CCDC191: variants seen among roughly 807,000 people sequenced by gnomAD.
CCDC191 encodes coiled-coil domain-containing protein 191.
A neutral mutation model predicts 114.0 loss-of-function variants in CCDC191; 99 were observed. The observed-to-expected ratio is 0.87, with a 90% CI of 0.74 to 1.03. The LOEUF is 1.03. Among genes scored for constraint, CCDC191 ranks in the 50% least tolerant of loss-of-function variants. The pLI is 0.00. For synonymous variants in CCDC191, 351 were observed against 376.0 expected, an observed-to-expected ratio of 0.93 and a Z score of 0.77; for missense variants, 973 against 1,087.0, an observed-to-expected ratio of 0.90 and a Z score of 1.47.
chr3:114,010,043 G>A (rs1408514297), intron 9 of CCDC191, among the ~76,000 whole-genome samples: 1 of 152,072 alleles, frequency 6.6e-6, no homozygotes, highest in African/African-American at 2.4e-5. Flanking sequence ...TATACTCTCA[G>A]TTGAGAACTA....
At chr3:114,028,598 T>C (rs1417911393) in intron 7 of CCDC191, among the ~76,000 whole-genome samples, 1 of 151,976 alleles carries the variant, frequency 6.6e-6, no homozygotes, top group Non-Finnish European at 1.5e-5. Context: ...AAAACTATTT[T>C]TATAGTGTAC....
Position 114,042,011 on chromosome 3 carries a change from A to T in CCDC191, c.415+692T>A, listed in dbSNP as rs182364022. ...TCTCTCCTCTGGAAAAAAAAACTAG[A>T]AAAGTAATAACCTCCCTTATAAGTA... On this transcript the variant is annotated intron_variant, in intron 4 of 16. Transcript: ENST00000295878. Among the ~76,000 whole-genome samples the T allele has an allele frequency of 2.3e-3, 346 of 152,280 alleles. 1 individual carries two copies. The highest frequency in any genetic ancestry group is 7.8e-3 in the African/African-American group (325 of 41,530).
chr3:114,056,434 T>A lies in CCDC191; in HGVS notation c.33A>T (p.Ser11=). 4 of 1,614,132 alleles carry A rather than the reference T, an allele frequency of 2.5e-6. No individual in the cohort carries two copies. Among genetic ancestry groups the A allele is most frequent in the Non-Finnish European group, 3.4e-6 (4 of 1,180,016 alleles). MLLAPQGRSF[S]KKRMGLNRWK... ...AGCGATTCAGCCCCATCCTTTTCTTTGAGAAGGACCTTCCCTGAGGCGCCA... is the reference window on the plus strand; with the variant it reads ...AGCGATTCAGCCCCATCCTTTTCTTAGAGAAGGACCTTCCCTGAGGCGCCA... Residue 11 remains serine, a synonymous_variant, in exon 1 of 17, where the codon TCA becomes TCT. Coordinates refer to ENST00000295878, the MANE Select transcript of CCDC191 (RefSeq NM_020817.2).
intron 8 of CCDC191, among the ~76,000 whole-genome samples, chr3:114,017,557 T>C (rs2076179417): frequency 6.6e-6 from 1 of 152,254 alleles, no homozygotes; most frequent in South Asian, 2.1e-4. Context: ...CATGCCCTTC[T>C]ATGTAACAAT....
chr3:114,004,546 T>C (rs772359575), intron 11 of CCDC191, 91 bp downstream of exon 11: 11 of 1,529,564 alleles, frequency 7.2e-6, no homozygotes, highest in Admixed American at 2.0e-5. Flanking sequence ...TCTCAAAACC[T>C]CAAGAGTTGC....
At chr3:113,997,700 C>T (rs954566613) in intron 13 of CCDC191, among the ~76,000 whole-genome samples, 7 of 152,204 alleles carry the variant, frequency 4.6e-5, no homozygotes, top group African/African-American at 1.7e-4. Flanking sequence ...TTTTTAATAA[C>T]CCAAAGTATA....
intron 11 of CCDC191, chr3:114,003,176 T>C (rs898862309): frequency 3.8e-5 from 37 of 985,214 alleles, no homozygotes; most frequent in Non-Finnish European, 3.9e-5. Context: ...TAAATATCGA[T>C]CCAAAAGAAA....
intron 8 of CCDC191, among the ~76,000 whole-genome samples, chr3:114,012,465 T>G (rs571906975): frequency 1.3e-5 from 2 of 152,192 alleles, no homozygotes; most frequent in Non-Finnish European, 2.9e-5. Flanking sequence ...TAATAAACAT[T>G]TATGTATGTT....
rs375930949 is a variant in CCDC191, at chr3:114,002,439, C to T, written c.2061+17G>A. ...AATCCTTCTTTTTTGACTCAGTTTG[C>T]ATTTTGAATCTATTACCAATTTTTC... is the stretch of plus-strand genomic sequence containing the variant. On this transcript the variant is annotated intron_variant, in intron 12 of 16. Coordinates refer to ENST00000295878, the MANE Select transcript of CCDC191 (RefSeq NM_020817.2). The T allele has an allele frequency of 2.5e-4, 396 of 1,560,498 alleles. 1 individual carries two copies. Among genetic ancestry groups the T allele is most frequent in the Non-Finnish European group, 3.2e-4 (360 of 1,140,490 alleles).
At chr3:113,973,659 T>C (rs531276256) in intron 16 of CCDC191, among the ~76,000 whole-genome samples, 4 of 151,970 alleles carry the variant, frequency 2.6e-5, no homozygotes, top group South Asian at 4.2e-4. Context: ...TCCTGGCCTA[T>C]ACCGTTTCTG....
At position 114,042,741 on chromosome 3, in the gene CCDC191, G is replaced by A. The variant is rs755162939; in HGVS notation, c.377C>T (p.Pro126Leu). ...KNTVSSVTIM[P>L]EANGHLKYDK... ...ATATTTCAAATGGCCATTGGCTTCC[G>A]GCATAATAGTGACACTTGACACAGT... Residue 126 changes from proline to leucine, a missense_variant, in exon 4 of 17, where the codon CCG becomes CTG. Coordinates refer to ENST00000295878, the MANE Select transcript of CCDC191 (RefSeq NM_020817.2). 14 of 1,589,368 alleles carry A rather than the reference G, an allele frequency of 8.8e-6. No homozygotes were observed. Among genetic ancestry groups the A allele is most frequent in the East Asian group, 4.6e-5 (2 of 43,122 alleles).
chr3:114,051,976 A>T (rs1229856241), intron 2 of CCDC191, among the ~76,000 whole-genome samples: 1 of 152,238 alleles, frequency 6.6e-6, no homozygotes, highest in African/African-American at 2.4e-5. Context: ...CTATCAAAAG[A>T]CTACTGGATT....
At chr3:113,993,891 AAAAAG>A (rs1178983153) in intron 13 of CCDC191, among the ~76,000 whole-genome samples, 2 of 152,192 alleles carry the variant, frequency 1.3e-5, no homozygotes, top group African/African-American at 4.8e-5. Flanking sequence ...TCAGAGAAAA[AAAAAG>A]AAAAGAAAAA....
At chr3:113,982,869 A>C (rs1013958419) in intron 13 of CCDC191, among the ~76,000 whole-genome samples, 1 of 149,288 alleles carries the variant, frequency 6.7e-6, no homozygotes, top group Non-Finnish European at 1.5e-5. Flanking sequence ...AAAAAAAAAA[A>C]ACCAAAAATA....
At chr3:113,978,080 T>C (rs1416097297) in intron 16 of CCDC191, 106 bp downstream of exon 16, 1 of 1,291,012 alleles carries the variant, frequency 7.7e-7, no homozygotes, top group East Asian at 2.3e-5. Context: ...GTTTCCCCGC[T>C]CTCCTAGCCT....
At chr3:114,046,980 TA>T in intron 2 of CCDC191, 2 of 958,098 alleles carry the variant, frequency 2.1e-6, no homozygotes, top group Non-Finnish European at 2.5e-6. Context: ...GATATTTGAA[TA>T]AAAGTTATTA....
Position 113,964,902 on chromosome 3 carries a change from T to C in CCDC191, c.*253A>G, listed in dbSNP as rs1939956171. 1 of 290,098 alleles carries C rather than the reference T, an allele frequency of 3.4e-6. No homozygotes were observed. The highest frequency in any genetic ancestry group is 6.3e-6 in the Non-Finnish European group (1 of 158,026). 18.0% of individuals were successfully genotyped at this position (290,098 alleles called of 1,614,324 possible). ...TAAAGTTTACTATGCTAAAAATATA[T>C]AGGATATATTTGAACAGACGATCTC... On this transcript the variant is annotated 3_prime_UTR_variant, in exon 17 of 17. Transcript: ENST00000295878.
chr3:114,002,916 A>C, intron 11 of CCDC191: 1 of 982,760 alleles, frequency 1.0e-6, no homozygotes, highest in Middle Eastern at 5.2e-4. Flanking sequence ...ACATCTAACA[A>C]GTACTTTGAG....
chr3:114,023,478 A>G (rs2076273111), intron 7 of CCDC191, among the ~76,000 whole-genome samples: 1 of 152,186 alleles, frequency 6.6e-6, no homozygotes, highest in Non-Finnish European at 1.5e-5. Flanking sequence ...ACAGTAACCA[A>G]AACAGCATGG....
Sources: gnomAD v4.1 joint callset for allele counts (sites outside exome capture counted in the v4.1 genomes callset) on GRCh38, gnomAD v4.1.1 for gene constraint, MANE v1.5 for transcripts, NCBI Gene and HGNC (gene_info 2026-07-23, HGNC 2026-07-21) for gene names.